MAGI3: variants seen among roughly 807,000 people sequenced by gnomAD.
MAGI3 encodes membrane-associated guanylate kinase, WW and PDZ domain-containing protein 3.
In MAGI3, 43 loss-of-function variants were observed where a neutral mutation model predicts 121.8. The ratio of observed to expected loss-of-function variants is 0.35; its 90% CI spans 0.28 to 0.46. The LOEUF (loss-of-function observed/expected upper bound fraction) is 0.46, where lower values mean the gene tolerates loss of function less well. Ranked by LOEUF, MAGI3 falls within the 20% of genes least tolerant of loss-of-function variation. MAGI3 has a pLI of 1.00. For synonymous variants in MAGI3, 553 were observed against 639.3 expected, an observed-to-expected ratio of 0.86 and a Z score of 2.04; for missense variants, 1,547 against 1,797.3, an observed-to-expected ratio of 0.86 and a Z score of 2.52.
At chr1:113,623,430 A>T (rs954261681) in intron 9 of MAGI3, among the ~76,000 whole-genome samples, 1 of 144,540 alleles carries the variant, frequency 6.9e-6, no homozygotes, top group Non-Finnish European at 1.5e-5. Flanking sequence ...CATATATATA[A>T]TACACATATA....
At chr1:113,521,633 C>T (rs1322598111) in intron 1 of MAGI3, among the ~76,000 whole-genome samples, 4 of 150,946 alleles carry the variant, frequency 2.6e-5, no homozygotes, top group Non-Finnish European at 2.9e-5. Flanking sequence ...GTCTCGATCT[C>T]CTGACCTCGT....
intron 1 of MAGI3, among the ~76,000 whole-genome samples, chr1:113,496,271 G>A (rs1202139132): frequency 1.3e-5 from 2 of 152,080 alleles, no homozygotes; most frequent in African/African-American, 4.8e-5. Flanking sequence ...TCTTTGCCAG[G>A]GGTAAGGTTT....
chr1:113,522,470 C>G (rs974297735), intron 1 of MAGI3, among the ~76,000 whole-genome samples: 1 of 152,140 alleles, frequency 6.6e-6, no homozygotes, highest in Non-Finnish European at 1.5e-5. Context: ...AGACGCTGTG[C>G]TTTTTTACCA....
At chr1:113,529,330 A>G (rs1323492797) in intron 1 of MAGI3, among the ~76,000 whole-genome samples, 2 of 152,208 alleles carry the variant, frequency 1.3e-5, no homozygotes. Flanking sequence ...GCTGGGAAGT[A>G]CTAGGTTGAA....
At chr1:113,609,086 TACA>T (rs1649968877) in intron 6 of MAGI3, among the ~76,000 whole-genome samples, 1 of 152,206 alleles carries the variant, frequency 6.6e-6, no homozygotes, top group Admixed American at 6.5e-5. Flanking sequence ...CGGGGGAGCC[TACA>T]ATTTAGAACA....
intron 1 of MAGI3, among the ~76,000 whole-genome samples, chr1:113,504,974 G>A (rs2101600680): frequency 6.6e-6 from 1 of 152,256 alleles, no homozygotes; most frequent in South Asian, 2.1e-4. Context: ...TTGTAGAACA[G>A]TGACCAAAAT....
At chr1:113,680,346 C>T (rs1221579811) in intron 19 of MAGI3, among the ~76,000 whole-genome samples, 4 of 152,114 alleles carry the variant, frequency 2.6e-5, no homozygotes, top group African/African-American at 9.7e-5. Context: ...TAACATGTAC[C>T]CAGTGCTCTC....
chr1:113,429,446 T>C (rs1328668647), intron 1 of MAGI3, among the ~76,000 whole-genome samples: 1 of 152,186 alleles, frequency 6.6e-6, no homozygotes. Flanking sequence ...GAGCCCCTGT[T>C]ACAGAATTTT....
intron 2 of MAGI3, among the ~76,000 whole-genome samples, chr1:113,553,152 G>A (rs1232295140): frequency 1.3e-5 from 2 of 152,130 alleles, no homozygotes; most frequent in African/African-American, 4.8e-5. Flanking sequence ...CTTGAGAGAA[G>A]AAGAAAGGAG....
intron 1 of MAGI3, among the ~76,000 whole-genome samples, chr1:113,418,719 C>A (rs1652583516): frequency 6.6e-6 from 1 of 151,918 alleles, no homozygotes; most frequent in African/African-American, 2.4e-5. Flanking sequence ...CCTAGTGGTC[C>A]TCAATAAATA....
intron 15 of MAGI3, among the ~76,000 whole-genome samples, chr1:113,657,917 G>A (rs1441388703): frequency 2.6e-5 from 4 of 152,192 alleles, no homozygotes. Flanking sequence ...TGTCTGTAGG[G>A]AAATAAATCA....
At position 113,633,238 on chromosome 1, in the gene MAGI3, ATTTTTTTTTTTTTTTTTTTTTT is replaced by A. The variant is rs71090716; in HGVS notation, c.1361-8653_1361-8632del. Among the ~76,000 whole-genome samples the A allele has an allele frequency of 8.5e-4, 48 of 56,666 alleles. No individual in the cohort carries two copies. In the South Asian group the frequency reaches 9.8e-3, roughly 12 times the overall value. The allele number at this position is 56,666 out of a possible 152,430, so 37.2% of individuals were successfully genotyped here. On this transcript the variant is annotated intron_variant, in intron 9 of 20. Coordinates refer to ENST00000307546, the MANE Select transcript of MAGI3 (RefSeq NM_001142782.2). ...TCCCTACAAAGGACATGAACTCATCATTTTTTTTTTTTTTTTTTTTTTTTTTTTTTTTTTTTTTTTTGAGACG... is the reference window on the plus strand; with the variant it reads ...TCCCTACAAAGGACATGAACTCATCATTTTTTTTTTTTTTTTTTTGAGACG...
chr1:113,626,065 A>G (rs1651219109), intron 9 of MAGI3, among the ~76,000 whole-genome samples: 2 of 152,138 alleles, frequency 1.3e-5, no homozygotes, highest in African/African-American at 4.8e-5. Context: ...TCCTGGGTTC[A>G]AGTGATTCTC....
chr1:113,443,904 G>C (rs1342147318), intron 1 of MAGI3, among the ~76,000 whole-genome samples: 1 of 152,162 alleles, frequency 6.6e-6, no homozygotes, highest in Non-Finnish European at 1.5e-5. Context: ...GGTTTTTAGT[G>C]TATTCACAAA....
chr1:113,425,212 T>C (rs1652936812), intron 1 of MAGI3, among the ~76,000 whole-genome samples: 1 of 151,488 alleles, frequency 6.6e-6, no homozygotes, highest in Non-Finnish European at 1.5e-5. Flanking sequence ...GGTAAAATTA[T>C]CCAGTGAAAT....
chr1:113,656,509 G>A (rs1383725970), intron 15 of MAGI3, among the ~76,000 whole-genome samples: 1 of 151,780 alleles, frequency 6.6e-6, no homozygotes, highest in East Asian at 1.9e-4. Context: ...TGCCTCCCAG[G>A]TTCAAGTGAT....
intron 1 of MAGI3, among the ~76,000 whole-genome samples, chr1:113,470,412 T>C (rs929120013): frequency 6.6e-5 from 10 of 152,152 alleles, no homozygotes; most frequent in African/African-American, 2.4e-4. Flanking sequence ...TTCAAAAAAG[T>C]ATGAAGTTTA....
chr1:113,671,987 CA>C, intron 17 of MAGI3, 151 bp downstream of exon 17: 1 of 690,248 alleles, frequency 1.4e-6, no homozygotes, highest in Non-Finnish European at 2.5e-6. Context: ...GCCTGTTCCT[CA>C]AATACCGTCC....
At chr1:113,620,761 T>C (rs907577163) in intron 8 of MAGI3, among the ~76,000 whole-genome samples, 2 of 152,140 alleles carry the variant, frequency 1.3e-5, no homozygotes, top group African/African-American at 4.8e-5. Context: ...CATAGAGTAG[T>C]AGTTATAATG....
Sources: gnomAD v4.1 joint callset for allele counts (sites outside exome capture counted in the v4.1 genomes callset) on GRCh38, gnomAD v4.1.1 for gene constraint, MANE v1.5 for transcripts, NCBI Gene and HGNC (gene_info 2026-07-23, HGNC 2026-07-21) for gene names.